Variants in SLC8A2 observed in about 807,000 individuals in gnomAD.
SLC8A2 encodes sodium/calcium exchanger 2.
In SLC8A2, 14 loss-of-function variants were observed where a neutral mutation model predicts 70.2. The observed-to-expected ratio is 0.20, with a 90% CI of 0.13 to 0.31. The LOEUF is 0.31. Ranked by LOEUF, SLC8A2 falls within the 10% of genes least tolerant of loss-of-function variation. SLC8A2 has a pLI of 1.00. For synonymous variants in SLC8A2, 575 were observed against 594.3 expected (o/e 0.97, Z 0.47); for missense variants, 779 against 1,320.1 (o/e 0.59, Z 6.35).
At chr19:47,460,961 C>T (rs1012576925) in intron 2 of SLC8A2, among the ~76,000 whole-genome samples, 2 of 152,080 alleles carry the variant, frequency 1.3e-5, no homozygotes, top group African/African-American at 4.8e-5. Context: ...TGCCTGTAAT[C>T]CCAGCACTTT....
chr19:47,457,795 T>C (rs1389864897), intron 2 of SLC8A2, among the ~76,000 whole-genome samples: 3,100 of 81,284 alleles, frequency 0.038, 59 homozygotes, highest in Middle Eastern at 0.069. Flanking sequence ...TCTTTTCTTT[T>C]CTCTTCCTTC....
chr19:47,450,676 G>A (rs1967223312), intron 3 of SLC8A2, among the ~76,000 whole-genome samples: 1 of 152,134 alleles, frequency 6.6e-6, no homozygotes, highest in Non-Finnish European at 1.5e-5. Context: ...AGGATTCACT[G>A]TCCGTGGTGA....
rs555148836 is a variant in SLC8A2 at position 47,442,796 on chromosome 19, G to T, written c.1764-1356C>A. ...AGTCCTGGGATCAAGCGATCCTCCT[G>T]CCTCAGCCTCTCATGTAGCTGGGAC... On this transcript the variant is annotated intron_variant, in intron 4 of 9. Coordinates refer to ENST00000236877, the MANE Select transcript of SLC8A2 (RefSeq NM_015063.3). 2.0e-4 allele frequency among the ~76,000 whole-genome samples: 31 copies of T among 152,252 alleles called. No individual in the cohort carries two copies. The South Asian group carries it at 6.2e-3, about 31-fold the overall frequency.
At chr19:47,462,629 C>G (rs1967410003) in intron 2 of SLC8A2, among the ~76,000 whole-genome samples, 1 of 149,294 alleles carries the variant, frequency 6.7e-6, no homozygotes, top group East Asian at 2.0e-4. Context: ...ACTCTGTCAC[C>G]CAGGCTGGAG....
At chr19:47,440,276 G>C (rs1456910186) in intron 6 of SLC8A2, among the ~76,000 whole-genome samples, 1 of 152,024 alleles carries the variant, frequency 6.6e-6, no homozygotes, top group African/African-American at 2.4e-5. Context: ...CCACCAGCAG[G>C]AAAGCACCTC....
chr19:47,428,867 G>A lies in SLC8A2; in HGVS notation c.*1222C>T, dbSNP rs1966911220. ...AGTTGGGTCATCCTAGGGGCCCAAGGAGTGGGTGGCACTGCCCAAATGTGT... is the reference window on the plus strand; with the variant it reads ...AGTTGGGTCATCCTAGGGGCCCAAGAAGTGGGTGGCACTGCCCAAATGTGT... On this transcript the variant is annotated 3_prime_UTR_variant, in exon 10 of 10. Coordinates refer to ENST00000236877, the MANE Select transcript of SLC8A2 (RefSeq NM_015063.3). The A allele has an allele frequency of 6.6e-6, 1 of 152,422 alleles. No homozygotes were observed. The highest frequency in any genetic ancestry group is 2.4e-5 in the African/African-American group (1 of 41,384). The allele number at this position is 152,422 out of a possible 1,614,324, so 9.4% of individuals were successfully genotyped here.
In SLC8A2 at chr19:47,447,004, C is replaced by T. The variant is rs1967171389; in HGVS notation, c.1763+805G>A. Among the ~76,000 whole-genome samples the T allele has an allele frequency of 6.6e-6, 1 of 152,126 alleles. No homozygotes were observed. The highest frequency in any genetic ancestry group is 1.5e-5 in the Non-Finnish European group (1 of 67,996). ...AGGCTCCCCAGTGTCTCCCCAGGCC[C>T]TGCCCTGCCTTCCCAGGCCCCCAGA... On this transcript the variant is annotated intron_variant, in intron 4 of 9. Coordinates refer to ENST00000236877, the MANE Select transcript of SLC8A2 (RefSeq NM_015063.3). This position sits in a 1 kb window ranked among gnomAD's most constrained non-coding sequence, Gnocchi z 5.1.
chr19:47,469,593 G>T (rs1009119885), intron 1 of SLC8A2, among the ~76,000 whole-genome samples: 13 of 152,150 alleles, frequency 8.5e-5, no homozygotes, highest in Non-Finnish European at 1.9e-4. Context: ...TTTCTCGCTG[G>T]GGCCTTGCGA....
intron 1 of SLC8A2, among the ~76,000 whole-genome samples, chr19:47,469,538 G>T (rs1198074682): frequency 6.6e-6 from 1 of 152,156 alleles, no homozygotes; most frequent in African/African-American, 2.4e-5. Flanking sequence ...CCAGGGGCTG[G>T]GTCAAGCACA....
Position 47,447,882 on chromosome 19 carries a change from C to G in SLC8A2, c.1690G>C (p.Gly564Arg). 1.3e-6 allele frequency: 2 copies of G among 1,592,766 alleles called. No homozygotes were observed. The highest frequency in any genetic ancestry group is 1.7e-6 in the Non-Finnish European group (2 of 1,173,078). The change falls in exon 4 of 10, where the codon GGC (glycine) becomes CGC (arginine). Residue 564 changes from glycine to arginine, a missense_variant. Physicochemically the swap from Gly to Arg is moderately radical, Grantham distance 125. Around this residue, in one of 6 missense-constraint regions of SLC8A2, gnomAD observed 247 missense variants for 362.8 expected, o/e 0.68. Transcript: ENST00000236877. This position sits in a 1 kb window ranked among gnomAD's most constrained non-coding sequence, Gnocchi z 5.1. ...TGCACGCCGCCGCCGCGCGCCGTGC[C>G]GTCCACCGTGCGGTAGGGAAGGCGC... is the stretch of plus-strand genomic sequence containing the variant. ...TVRLPYRTVD[G>R]TARGGGVHYE...
rs1321284193 is a variant in SLC8A2, at chr19:47,466,474, A to G, written c.-16-55T>C. ...AGGGAAGCAAACCTCTTTCTGTCAT[A>G]CAAAGGTCAAAGCTCACTGGGGAAG... On this transcript the variant is annotated intron_variant, in intron 1 of 9. Coordinates refer to ENST00000236877, the MANE Select transcript of SLC8A2 (RefSeq NM_015063.3). This position sits in a 1 kb window ranked among gnomAD's most constrained non-coding sequence, Gnocchi z 6.9. 2.9e-5 allele frequency: 19 copies of G among 645,274 alleles called. No individual in the cohort carries two copies. Among genetic ancestry groups the G allele is most frequent in the Non-Finnish European group, 4.5e-5 (17 of 380,334 alleles). 40.0% of individuals were successfully genotyped at this position (645,274 alleles called of 1,614,324 possible). A position where few individuals can be genotyped will look rare whatever the true frequency, so the allele number is the denominator to read the frequency against.
intron 2 of SLC8A2, among the ~76,000 whole-genome samples, chr19:47,461,277 A>C (rs1261601203): frequency 6.6e-5 from 10 of 152,068 alleles, no homozygotes; most frequent in Admixed American, 6.5e-4. Flanking sequence ...GGGAGGCCAA[A>C]GTGGGTGGAT....
Position 47,437,936 on chromosome 19 carries a change from C to G in SLC8A2, c.1923G>C (p.Glu641Asp). 1 of 1,613,682 alleles carries G rather than the reference C, an allele frequency of 6.2e-7. No individual in the cohort carries two copies. The highest frequency in any genetic ancestry group is 8.5e-7 in the Non-Finnish European group (1 of 1,179,608). Residue 641 changes from glutamate (E) to aspartate (D), a missense_variant, in exon 7 of 10, where the codon GAG becomes GAC. Around this residue, in one of 6 missense-constraint regions of SLC8A2, gnomAD observed 247 missense variants for 362.8 expected, o/e 0.68. Transcript: ENST00000236877. ...GDRKLTAEEEEARRIAEMGKP... is the reference protein window; with the variant it reads ...GDRKLTAEEEDARRIAEMGKP... ...TGCCCATCTCTGCTATCCTCCGAGC[C>G]TCCTCCTCCTCGGCTGTTAGCTTCC...
intron 3 of SLC8A2, among the ~76,000 whole-genome samples, chr19:47,454,937 A>G (rs1316893345): frequency 6.6e-6 from 1 of 151,914 alleles, no homozygotes; most frequent in Admixed American, 6.6e-5. Context: ...AATACAAAAG[A>G]TTAGCTGGGT....
chr19:47,447,347 C>G lies in SLC8A2; in HGVS notation c.1763+462G>C, dbSNP rs1400737670. 2 of 196,296 alleles carry G rather than the reference C, an allele frequency of 1.0e-5. No homozygotes were observed. The highest frequency in any genetic ancestry group is 2.1e-5 in the Non-Finnish European group (2 of 96,394). 12.2% of individuals were successfully genotyped at this position (196,296 alleles called of 1,614,324 possible). ...CTTCAGCACACACTCCACGAGCTACCAATTAAGGCCCCACACCGCTCTCCC... is the reference window on the plus strand; with the variant it reads ...CTTCAGCACACACTCCACGAGCTACGAATTAAGGCCCCACACCGCTCTCCC... On this transcript the variant is annotated intron_variant, in intron 4 of 9. Coordinates refer to ENST00000236877, the MANE Select transcript of SLC8A2 (RefSeq NM_015063.3). The surrounding 1 kb of genome is among the most constrained non-coding windows in gnomAD (Gnocchi z 5.1).
In SLC8A2 at chr19:47,429,946, C is replaced by T; in HGVS notation, c.*143G>A. ...GGGACACAGAACAGGGCAATCAAAGCCAGGGGAGGGGGCGGAGAAGGGAGG... is the reference window on the plus strand; with the variant it reads ...GGGACACAGAACAGGGCAATCAAAGTCAGGGGAGGGGGCGGAGAAGGGAGG... On this transcript the variant is annotated 3_prime_UTR_variant, in exon 10 of 10. Transcript: ENST00000236877. The T allele has an allele frequency of 1.3e-6, 1 of 796,516 alleles. No homozygotes were observed. Among genetic ancestry groups the T allele is most frequent in the South Asian group, 1.8e-5 (1 of 54,858 alleles). The allele number at this position is 796,516 out of a possible 1,614,324, so 49.3% of individuals were successfully genotyped here. A position where few individuals can be genotyped will look rare whatever the true frequency, so the allele number is the denominator to read the frequency against.
Position 47,459,917 on chromosome 19 carries a change from T to C in SLC8A2, c.676-2323A>G, listed in dbSNP as rs371527873. Among the ~76,000 whole-genome samples, 7 of 152,158 alleles carry C rather than the reference T, an allele frequency of 4.6e-5. No homozygotes were observed. In the East Asian group the frequency reaches 1.4e-3, roughly 29 times the overall value. On this transcript the variant is annotated intron_variant, in intron 2 of 9. Coordinates refer to ENST00000236877, the MANE Select transcript of SLC8A2 (RefSeq NM_015063.3). ...GGTGCCAGGAACCCGGACATCCTCA[T>C]CCACTACCAAGCAACAGACAATCCC... is the stretch of plus-strand genomic sequence containing the variant.
chr19:47,435,652 G>A (rs1345889664), intron 8 of SLC8A2, among the ~76,000 whole-genome samples: 2 of 151,346 alleles, frequency 1.3e-5, no homozygotes, highest in African/African-American at 2.4e-5. Flanking sequence ...AGGTTCAAGC[G>A]ATTCTCCTGC....
chr19:47,447,655 C>A lies in SLC8A2; in HGVS notation c.1763+154G>T. Reference sequence around the variant, plus strand: ...TGGGTCACAGGCCCCGCCCACGTTGCGGGCACGGCCACGCAGGCCCCTCCC... The same window carrying A: ...TGGGTCACAGGCCCCGCCCACGTTGAGGGCACGGCCACGCAGGCCCCTCCC... On this transcript the variant is annotated intron_variant, in intron 4 of 9. Coordinates refer to ENST00000236877, the MANE Select transcript of SLC8A2 (RefSeq NM_015063.3). The surrounding 1 kb of genome is among the most constrained non-coding windows in gnomAD (Gnocchi z 5.1). The A allele has an allele frequency of 1.4e-6, 1 of 696,116 alleles. No individual in the cohort carries two copies. The highest frequency in any genetic ancestry group is 2.2e-6 in the Non-Finnish European group (1 of 450,566). 43.1% of individuals were successfully genotyped at this position (696,116 alleles called of 1,614,324 possible). A position where few individuals can be genotyped will look rare whatever the true frequency, so the allele number is the denominator to read the frequency against.
Sources: gnomAD v4.1 joint callset for allele counts (sites outside exome capture counted in the v4.1 genomes callset) on GRCh38, gnomAD v4.1.1 for gene constraint, gnomAD v4.1.1 regional missense constraint, Gnocchi (gnomAD v3.1) non-coding constraint, MANE v1.5 for transcripts, NCBI Gene and HGNC (gene_info 2026-07-23, HGNC 2026-07-21) for gene names.